Variants in LYPLA1 observed in about 807,000 individuals in gnomAD.
LYPLA1 encodes the protein lysophospholipase 1.
A neutral mutation model predicts 34.0 loss-of-function variants in LYPLA1; 17 were observed. The observed-to-expected ratio is 0.50, with a 90% CI of 0.34 to 0.75. The LOEUF (loss-of-function observed/expected upper bound fraction) is 0.75, where lower values mean the gene tolerates loss of function less well. Among genes scored for constraint, LYPLA1 ranks in the 30% least tolerant of loss-of-function variants. The probability of loss-of-function intolerance (pLI) is 0.01; values close to 1 mark genes in which losing one functional copy is unlikely to be tolerated. For missense variants in LYPLA1, 203 were observed against 288.8 expected, an observed-to-expected ratio of 0.70 and a Z score of 2.15; for synonymous variants, 98 against 100.8, an observed-to-expected ratio of 0.97 and a Z score of 0.17.
chr8:54,086,438 TAA>T (rs768755796), intron 2 of LYPLA1, among the ~76,000 whole-genome samples: 1,844 of 34,658 alleles, frequency 0.053, 58 homozygotes, highest in African/African-American at 0.18. Flanking sequence ...CTAAAAAAAT[TAA>T]AAAAAAAAAA....
intron 2 of LYPLA1, among the ~76,000 whole-genome samples, chr8:54,070,297 A>G (rs1364097750): frequency 6.6e-6 from 1 of 152,206 alleles, no homozygotes; most frequent in Admixed American, 6.5e-5. Context: ...CCTGGGCAAC[A>G]AGAGTGAAAC....
chr8:54,060,178 T>C (rs927332786), intron 5 of LYPLA1, among the ~76,000 whole-genome samples: 8 of 152,046 alleles, frequency 5.3e-5, no homozygotes, highest in Non-Finnish European at 1.0e-4. Context: ...CAGGCTGGAG[T>C]GCAACAGTGG....
chr8:54,057,180 A>G (rs1413531571), intron 5 of LYPLA1, among the ~76,000 whole-genome samples: 2 of 152,220 alleles, frequency 1.3e-5, no homozygotes, highest in African/African-American at 2.4e-5. Flanking sequence ...TACAACTACT[A>G]TGGGGAACAG....
chr8:54,093,630 T>C (rs1378977929), intron 2 of LYPLA1, among the ~76,000 whole-genome samples: 1 of 152,196 alleles, frequency 6.6e-6, no homozygotes. Flanking sequence ...AATGGCAGCC[T>C]TAGGAAACTA....
intron 2 of LYPLA1, among the ~76,000 whole-genome samples, chr8:54,079,834 A>C (rs1305549689): frequency 6.6e-6 from 1 of 151,912 alleles, no homozygotes; most frequent in Non-Finnish European, 1.5e-5. Context: ...TAAAATTTAA[A>C]CCTGTCTGTT....
At chr8:54,085,270 A>G (rs1808629417) in intron 2 of LYPLA1, among the ~76,000 whole-genome samples, 1 of 152,112 alleles carries the variant, frequency 6.6e-6, no homozygotes, top group African/African-American at 2.4e-5. Context: ...TTGCAGACGG[A>G]GTCTCGCTCA....
chr8:54,048,141 ATAGG>A (rs1213691314), intron 8 of LYPLA1, 23 bp from the exon 9 acceptor site: 24 of 1,468,642 alleles, frequency 1.6e-5, no homozygotes, highest in Non-Finnish European at 2.2e-5. Context: ...AAGTAATTTA[ATAGG>A]TAGGTAGTTA....
intron 4 of LYPLA1, among the ~76,000 whole-genome samples, chr8:54,062,973 G>A (rs916455159): frequency 1.3e-5 from 2 of 152,190 alleles, no homozygotes; most frequent in Admixed American, 6.5e-5. Context: ...TGGAAGGGAA[G>A]CGGTTTCCTT....
chr8:54,051,295 G>T, intron 7 of LYPLA1, 107 bp from the exon 8 acceptor site: 1 of 979,750 alleles, frequency 1.0e-6, no homozygotes, highest in Non-Finnish European at 1.4e-6. Flanking sequence ...CATATTAGAA[G>T]TTACATTTGG....
At chr8:54,080,186 G>C (rs1190908375) in intron 2 of LYPLA1, among the ~76,000 whole-genome samples, 1 of 151,942 alleles carries the variant, frequency 6.6e-6, no homozygotes, top group Admixed American at 6.6e-5. Context: ...AGGAGTTCAA[G>C]ACCAGCCTGG....
At chr8:54,066,768 G>C (rs534243175) in intron 2 of LYPLA1, among the ~76,000 whole-genome samples, 5 of 150,640 alleles carry the variant, frequency 3.3e-5, no homozygotes, top group Non-Finnish European at 5.9e-5. Context: ...GCAACAGAGC[G>C]AGACTCCATC....
intron 2 of LYPLA1, among the ~76,000 whole-genome samples, chr8:54,096,708 A>G (rs1394747731): frequency 6.7e-6 from 1 of 148,290 alleles, no homozygotes; most frequent in Admixed American, 6.9e-5. Context: ...ACGCCACTAC[A>G]CTCCAGCCTG....
At chr8:54,056,879 C>T (rs1355389927) in intron 5 of LYPLA1, among the ~76,000 whole-genome samples, 1 of 152,028 alleles carries the variant, frequency 6.6e-6, no homozygotes, top group Non-Finnish European at 1.5e-5. Context: ...CACCACTGCA[C>T]CCCAGCCTGG....
chr8:54,100,820 G>T (rs893236305), intron 2 of LYPLA1, 88 bp downstream of exon 2: 2 of 1,011,108 alleles, frequency 2.0e-6, no homozygotes, highest in African/African-American at 1.6e-5. Context: ...CCATTTTAGC[G>T]CCCTTAAACA....
rs117994686 is a variant in LYPLA1 at position 54,073,779 on chromosome 8, T to G, written c.102-7966A>C. Among the ~76,000 whole-genome samples, 9 of 152,202 alleles carry G rather than the reference T, an allele frequency of 5.9e-5. No homozygotes were observed. In the East Asian group the frequency reaches 1.3e-3, roughly 23 times the overall value. On this transcript the variant is annotated intron_variant, in intron 2 of 8. Coordinates refer to ENST00000316963, the MANE Select transcript of LYPLA1 (RefSeq NM_006330.4). ...GCCCTGCCCTCCCCCAAAAAACTAC[T>G]TCTTTTTTCAAAAGTCAGCCATATC... is the stretch of plus-strand genomic sequence containing the variant.
chr8:54,044,093 T>C (rs1324368510), downstream of LYPLA1, among the ~76,000 whole-genome samples: 1 of 151,950 alleles, frequency 6.6e-6, no homozygotes, highest in Admixed American at 6.6e-5. Context: ...GGTTTTACCA[T>C]GTTGACCAGG....
At position 54,101,144 on chromosome 8, in the gene LYPLA1, A is replaced by AG. The variant is rs1810107471; in HGVS notation, c.70-206_70-205insC. Among the ~76,000 whole-genome samples the AG allele has an allele frequency of 3.9e-5, 5 of 128,396 alleles. 1 individual carries two copies. Among genetic ancestry groups the AG allele is most frequent in the African/African-American group, 1.7e-4 (5 of 28,736 alleles). 84.2% of individuals were successfully genotyped at this position (128,396 alleles called of 152,430 possible). On this transcript the variant is annotated intron_variant, in intron 1 of 8. Coordinates refer to ENST00000316963, the MANE Select transcript of LYPLA1 (RefSeq NM_006330.4). ...CTCCCTTTATTTCCTGAGATAATGAATGGGGGGGGGGTAGCACTGAGAGGT... is the reference window on the plus strand; with the variant it reads ...CTCCCTTTATTTCCTGAGATAATGAAGTGGGGGGGGGGTAGCACTGAGAGGT...
chr8:54,082,412 T>C lies in LYPLA1; in HGVS notation c.102-16599A>G, dbSNP rs572740599. 3.4e-4 allele frequency among the ~76,000 whole-genome samples: 52 copies of C among 151,328 alleles called. 1 individual carries two copies. Among genetic ancestry groups the C allele is most frequent in the South Asian group, 2.7e-3 (13 of 4,822 alleles). ...TGCGATCAAGAACTAATCCTTTTTT[T>C]AAAAAAAGAAACAATCATTAACAGC... is the stretch of plus-strand genomic sequence containing the variant. On this transcript the variant is annotated intron_variant, in intron 2 of 8. Coordinates refer to ENST00000316963, the MANE Select transcript of LYPLA1 (RefSeq NM_006330.4).
chr8:54,049,646 T>C (rs1020929841), intron 8 of LYPLA1, among the ~76,000 whole-genome samples: 2 of 152,230 alleles, frequency 1.3e-5, no homozygotes, highest in Non-Finnish European at 2.9e-5. Context: ...TTCTATTCTA[T>C]GATCCCTCTG....
Sources: gnomAD v4.1 joint callset for allele counts (sites outside exome capture counted in the v4.1 genomes callset) on GRCh38, gnomAD v4.1.1 for gene constraint, MANE v1.5 for transcripts, NCBI Gene and HGNC (gene_info 2026-07-23, HGNC 2026-07-21) for gene names.